The following PGCKA1 variants were observed in gnomAD, a reference collection of about 807,000 sequenced individuals.
PGCKA1 encodes PDCD10 and GCKIII kinases-associated protein 1.
At chr4:37,518,221 G>C in the PGCKA1 span, among the ~76,000 whole-genome samples, 1 of 152,176 alleles carries the variant, frequency 6.6e-6, no homozygotes, top group Non-Finnish European at 1.5e-5. Context: ...TGTAAACAGT[G>C]CTGCAACAAA....
At chr4:37,586,720 G>A in the PGCKA1 span, among the ~76,000 whole-genome samples, 1 of 152,184 alleles carries the variant, frequency 6.6e-6, no homozygotes, top group Non-Finnish European at 1.5e-5. Flanking sequence ...GACCAGCCTG[G>A]CCAGCATGGT....
chr4:37,542,983 A>T, the PGCKA1 span, among the ~76,000 whole-genome samples: 1 of 152,180 alleles, frequency 6.6e-6, no homozygotes, highest in Non-Finnish European at 1.5e-5. Flanking sequence ...GAACTGGCTC[A>T]TTCAGAAGCC....
chr4:37,494,829 A>T, the PGCKA1 span, among the ~76,000 whole-genome samples: 1 of 152,100 alleles, frequency 6.6e-6, no homozygotes, highest in African/African-American at 2.4e-5. Context: ...TGACTGGTGC[A>T]AGATGGTATC....
At chr4:37,454,005 C>CCCGCCGCCGCCGCCGCCGCCG in the PGCKA1 span, 2 of 158,710 alleles carry the variant, frequency 1.3e-5, no homozygotes, top group African/African-American at 4.8e-5. Context: ...GCGCCGGGAC[C>CCCGCCGCCGCCGCCGCCGCCG]CCGCCGCCGC....
At chr4:37,490,828 T>G in the PGCKA1 span, among the ~76,000 whole-genome samples, 1 of 152,148 alleles carries the variant, frequency 6.6e-6, no homozygotes, top group South Asian at 2.1e-4. Context: ...TTCTGTGTGT[T>G]TGTGTTCAAA....
At chr4:37,546,239 G>A in the PGCKA1 span, among the ~76,000 whole-genome samples, 1 of 152,156 alleles carries the variant, frequency 6.6e-6, no homozygotes, top group South Asian at 2.1e-4. Flanking sequence ...TTTATACTCA[G>A]TACCTGTTTT....
chr4:37,586,285 G>A, the PGCKA1 span, among the ~76,000 whole-genome samples: 1 of 152,158 alleles, frequency 6.6e-6, no homozygotes. Context: ...GTCTTGATTG[G>A]TTGCAGACAC....
At chr4:37,589,957 G>A in the PGCKA1 span, 38 of 763,074 alleles carry the variant, frequency 5.0e-5, no homozygotes, top group Admixed American at 8.9e-4. Flanking sequence ...ATTTGATTTA[G>A]ACATACTTAT....
At chr4:37,473,206 C>G in the PGCKA1 span, among the ~76,000 whole-genome samples, 1 of 152,156 alleles carries the variant, frequency 6.6e-6, no homozygotes, top group African/African-American at 2.4e-5. Context: ...ATATAGTGTT[C>G]TAACCATGGG....
chr4:37,535,710 A>G, the PGCKA1 span, among the ~76,000 whole-genome samples: 6 of 152,106 alleles, frequency 3.9e-5, no homozygotes, highest in Non-Finnish European at 7.3e-5. Context: ...TAACCCTGAG[A>G]GTTTGGAAAG....
the PGCKA1 span, among the ~76,000 whole-genome samples, chr4:37,573,865 A>T: frequency 6.6e-6 from 1 of 152,190 alleles, no homozygotes; most frequent in Non-Finnish European, 1.5e-5. Context: ...ATTTCCCTAC[A>T]TCCTACACTG....
the PGCKA1 span, among the ~76,000 whole-genome samples, chr4:37,460,042 T>G: frequency 6.6e-6 from 1 of 152,116 alleles, no homozygotes; most frequent in African/African-American, 2.4e-5. Flanking sequence ...TGTGTTCATG[T>G]GTTCTCATTG....
chr4:37,518,721 TG>T, the PGCKA1 span, among the ~76,000 whole-genome samples: 1 of 152,332 alleles, frequency 6.6e-6, no homozygotes, highest in East Asian at 1.9e-4. Flanking sequence ...TTCTGTGGGT[TG>T]TGTCTTCACT....
chr4:37,553,785 T>C, the PGCKA1 span, among the ~76,000 whole-genome samples: 2 of 152,206 alleles, frequency 1.3e-5, no homozygotes, highest in Admixed American at 1.3e-4. Context: ...AGTCAAATTT[T>C]TTAAAACATG....
the PGCKA1 span, among the ~76,000 whole-genome samples, chr4:37,582,312 G>C: frequency 6.6e-6 from 1 of 152,192 alleles, no homozygotes; most frequent in Non-Finnish European, 1.5e-5. Flanking sequence ...GGGCAATGAA[G>C]TGAACATCAG....
chr4:37,586,604 T>C, the PGCKA1 span, among the ~76,000 whole-genome samples: 1 of 152,126 alleles, frequency 6.6e-6, no homozygotes, highest in African/African-American at 2.4e-5. Context: ...TACTACGAAC[T>C]TAGAGGTTTA....
the PGCKA1 span, among the ~76,000 whole-genome samples, chr4:37,581,971 T>G: frequency 6.6e-6 from 1 of 152,240 alleles, no homozygotes; most frequent in Non-Finnish European, 1.5e-5. The surrounding 1 kb of genome is among the most constrained non-coding windows in gnomAD (Gnocchi z 4.4). Context: ...ATGCTCCCTC[T>G]GTGTGTGGGT....
chr4:37,558,575 A>C, the PGCKA1 span, among the ~76,000 whole-genome samples: 3 of 152,064 alleles, frequency 2.0e-5, no homozygotes, highest in Non-Finnish European at 2.9e-5. Context: ...AATGGCAACA[A>C]AAGATGAAAT....
At chr4:37,516,724 T>C in the PGCKA1 span, among the ~76,000 whole-genome samples, 19 of 152,214 alleles carry the variant, frequency 1.2e-4, no homozygotes, top group Non-Finnish European at 2.5e-4. Context: ...TAAAGTTCCA[T>C]GCATTTAAAA....
Sources: gnomAD v4.1 joint callset for allele counts (sites outside exome capture counted in the v4.1 genomes callset) on GRCh38, gnomAD v4.1.1 for gene constraint, Gnocchi (gnomAD v3.1) non-coding constraint, MANE v1.5 for transcripts, NCBI Gene and HGNC (gene_info 2026-07-23, HGNC 2026-07-21) for gene names.